The following NRXN3 variants were observed in gnomAD, a reference collection of about 807,000 sequenced individuals.
The protein encoded by NRXN3 is neurexin III.
NRXN3 carries 32 observed loss-of-function variants against 137.6 expected under a neutral mutation model. That is an observed-to-expected ratio of 0.23 (90% confidence interval 0.18 to 0.31). The LOEUF (loss-of-function observed/expected upper bound fraction) is 0.31. Among genes scored for constraint, NRXN3 ranks in the 10% least tolerant of loss-of-function variants. NRXN3 has a pLI of 1.00. For synonymous variants in NRXN3, 798 were observed against 784.5 expected, an observed-to-expected ratio of 1.02 and a Z score of -0.29; for missense variants, 1,574 against 2,062.5, an observed-to-expected ratio of 0.76 and a Z score of 4.59.
chr14:78,898,554 CGT>C (rs66861661), intron 10 of NRXN3, among the ~76,000 whole-genome samples: 31,219 of 135,914 alleles, frequency 0.23, 3,135 homozygotes, highest in African/African-American at 0.24. Flanking sequence ...AGCTGGGTTT[CGT>C]GTGTGTGTGT....
At chr14:78,271,482 A>AC (rs947417442) in intron 2 of NRXN3, among the ~76,000 whole-genome samples, 2 of 112,828 alleles carry the variant, frequency 1.8e-5, no homozygotes, top group South Asian at 5.6e-4. Flanking sequence ...CATTTAAAAA[A>AC]AAAAAAAAAC....
intron 15 of NRXN3, chr14:79,247,133 T>TTAGATGTGTTACATAATACTATTCA (rs1207251503): frequency 6.6e-6 from 1 of 152,160 alleles, no homozygotes; most frequent in African/African-American, 2.4e-5. Flanking sequence ...AAAAACCAAG[T>TTAGATGTGTTACATAATACTATTCA]TAGATGTGTT....
intron 4 of NRXN3, among the ~76,000 whole-genome samples, chr14:78,353,087 A>C (rs2083778813): frequency 6.6e-6 from 1 of 152,216 alleles, no homozygotes; most frequent in Non-Finnish European, 1.5e-5. Context: ...AGGACATGCC[A>C]GATGATCTTG....
intron 1 of NRXN3, among the ~76,000 whole-genome samples, chr14:78,184,649 C>G (rs528768976): frequency 6.6e-6 from 1 of 152,338 alleles, no homozygotes; most frequent in Admixed American, 6.5e-5. Context: ...GTTCCATTTT[C>G]CTCACAGAAT....
chr14:78,838,589 G>T (rs548408582), intron 10 of NRXN3, among the ~76,000 whole-genome samples: 2 of 152,286 alleles, frequency 1.3e-5, no homozygotes, highest in East Asian at 3.9e-4. Flanking sequence ...TGAGGCACAT[G>T]AAGAGAATTC....
chr14:79,410,416 G>C (rs1315903655), intron 15 of NRXN3, among the ~76,000 whole-genome samples: 2 of 150,700 alleles, frequency 1.3e-5, no homozygotes, highest in South Asian at 2.1e-4. Flanking sequence ...TTAAAATGTA[G>C]TTATCTAATT....
At chr14:79,449,764 C>T (rs545633015) in intron 15 of NRXN3, among the ~76,000 whole-genome samples, 13 of 152,080 alleles carry the variant, frequency 8.5e-5, no homozygotes, top group East Asian at 1.9e-4. Flanking sequence ...CCGAGGCGGG[C>T]GGATCACCTG....
chr14:79,729,358 A>G (rs996167373), intron 19 of NRXN3, among the ~76,000 whole-genome samples: 6 of 152,218 alleles, frequency 3.9e-5, no homozygotes, highest in African/African-American at 1.4e-4. Context: ...GGAGAAAAAG[A>G]AAAGCATGCC....
intron 2 of NRXN3, among the ~76,000 whole-genome samples, chr14:78,266,152 A>T (rs143472262): frequency 2.0e-5 from 3 of 152,288 alleles, no homozygotes; most frequent in African/African-American, 7.2e-5. Flanking sequence ...CTGTTTTTAA[A>T]CTGTCTTTAG....
chr14:78,230,208 A>T (rs1381261463), intron 1 of NRXN3, among the ~76,000 whole-genome samples: 1 of 151,926 alleles, frequency 6.6e-6, no homozygotes, highest in Non-Finnish European at 1.5e-5. Flanking sequence ...TATTTTTAGT[A>T]GAGACAAGGT....
intron 16 of NRXN3, among the ~76,000 whole-genome samples, chr14:79,504,309 G>A (rs181694829): frequency 2.1e-4 from 32 of 151,940 alleles, no homozygotes; most frequent in African/African-American, 3.6e-4. Context: ...TTCCTTCATC[G>A]TCCAAAAGGA....
At chr14:78,591,761 T>C (rs1198546531) in intron 4 of NRXN3, among the ~76,000 whole-genome samples, 2 of 152,168 alleles carry the variant, frequency 1.3e-5, no homozygotes, top group African/African-American at 4.8e-5. Context: ...TAAGAGTAGA[T>C]ACCAGACTCT....
intron 10 of NRXN3, among the ~76,000 whole-genome samples, chr14:78,934,521 CA>C (rs1327753498): frequency 4.6e-5 from 7 of 152,178 alleles, no homozygotes; most frequent in Non-Finnish European, 8.8e-5. Context: ...GACGGATTCA[CA>C]AACCACGGCA....
chr14:78,645,063 T>G lies in NRXN3; in HGVS notation c.758-57T>G. Reference sequence around the variant, plus strand: ...CGGTGTGTTCTCTTTGGTATTTGCATAGGTCTGACTCTTGCCAGACAAGTG... The same window carrying G: ...CGGTGTGTTCTCTTTGGTATTTGCAGAGGTCTGACTCTTGCCAGACAAGTG... On this transcript the variant is annotated intron_variant, in intron 4 of 20. Coordinates refer to ENST00000335750, the MANE Select transcript of NRXN3 (RefSeq NM_001330195.2). 2.8e-6 allele frequency: 4 copies of G among 1,429,064 alleles called. No homozygotes were observed. In the Middle Eastern group the frequency reaches 7.5e-4, roughly 269 times the overall value. The allele number at this position is 1,429,064 out of a possible 1,614,324, so 88.5% of individuals were successfully genotyped here.
intron 6 of NRXN3, among the ~76,000 whole-genome samples, chr14:78,701,606 C>G (rs1471340795): frequency 2.0e-5 from 3 of 152,188 alleles, no homozygotes; most frequent in East Asian, 1.9e-4. Flanking sequence ...CTTGGCCACT[C>G]TCTTACAAAT....
intron 1 of NRXN3, among the ~76,000 whole-genome samples, chr14:78,203,773 A>G (rs907715743): frequency 1.4e-5 from 2 of 145,782 alleles, no homozygotes; most frequent in African/African-American, 2.6e-5. Context: ...ACCACATACC[A>G]TTGTTGACTT....
At chr14:78,493,644 C>T (rs183427066) in intron 4 of NRXN3, among the ~76,000 whole-genome samples, 1 of 152,186 alleles carries the variant, frequency 6.6e-6, no homozygotes, top group African/African-American at 2.4e-5. Context: ...GGTTCTTCAT[C>T]CTGCTGGTAT....
At chr14:78,905,212 T>G (rs1437792979) in intron 10 of NRXN3, among the ~76,000 whole-genome samples, 2 of 152,054 alleles carry the variant, frequency 1.3e-5, no homozygotes, top group African/African-American at 4.8e-5. Flanking sequence ...CTACAGAGGA[T>G]CACCCTAGCT....
intron 15 of NRXN3, among the ~76,000 whole-genome samples, chr14:79,303,996 G>A (rs1347703854): frequency 2.6e-5 from 4 of 152,064 alleles, no homozygotes; most frequent in African/African-American, 9.7e-5. Context: ...TGCTTAATAC[G>A]TTAAGGTTTA....
Sources: allele counts gnomAD v4.1 joint callset (sites outside exome capture counted in the v4.1 genomes callset), GRCh38; gene constraint gnomAD v4.1.1; transcripts MANE v1.5; gene names NCBI Gene and HGNC (gene_info 2026-07-23, HGNC 2026-07-21).